Variants in SPTSSB observed in about 807,000 individuals in gnomAD.
SPTSSB encodes the protein serine palmitoyltransferase small subunit B, also known as androgen down regulated in mouse prostate.
A neutral mutation model predicts 7.7 loss-of-function variants in SPTSSB; 6 were observed. That is an observed-to-expected ratio of 0.78 (90% CI 0.43 to 1.54). The LOEUF is 1.54. Among genes scored for constraint, SPTSSB ranks in the 40% most tolerant of loss-of-function variants. The pLI, the probability that SPTSSB is intolerant of heterozygous loss-of-function variation, is 0.01. For missense variants in SPTSSB, 91 were observed against 93.0 expected (o/e 0.98, Z 0.09); for synonymous variants, 28 against 29.7 (o/e 0.94, Z 0.19).
intron 2 of SPTSSB, among the ~76,000 whole-genome samples, chr3:161,347,190 T>C (rs144484671): frequency 1.3e-5 from 2 of 152,332 alleles, no homozygotes; most frequent in African/African-American, 4.8e-5. Context: ...ATACTCTTCA[T>C]TTTTACAAAT....
At chr3:161,361,303 A>G (rs1485164588) in intron 1 of SPTSSB, among the ~76,000 whole-genome samples, 4 of 152,142 alleles carry the variant, frequency 2.6e-5, no homozygotes, top group Non-Finnish European at 5.9e-5. Flanking sequence ...CGAGAGCTCC[A>G]TTAGGAAAAT....
intron 1 of SPTSSB, among the ~76,000 whole-genome samples, chr3:161,368,245 A>T (rs1001241683): frequency 6.6e-6 from 1 of 152,188 alleles, no homozygotes; most frequent in Non-Finnish European, 1.5e-5. Flanking sequence ...AAATTTTTTT[A>T]AACCGGCTTT....
intron 1 of SPTSSB, among the ~76,000 whole-genome samples, chr3:161,369,344 CTT>C (rs1203862929): frequency 2.3e-5 from 1 of 43,064 alleles, no homozygotes; most frequent in African/African-American, 8.9e-5. Flanking sequence ...TTCTTTCTTT[CTT>C]TCTTTCTCTT....
At chr3:161,354,969 A>G (rs1161279209) in intron 2 of SPTSSB, among the ~76,000 whole-genome samples, 5 of 152,200 alleles carry the variant, frequency 3.3e-5, no homozygotes, top group Non-Finnish European at 7.3e-5. Context: ...ACATTTAGAA[A>G]ATAAAGAGTG....
chr3:161,355,555 A>G (rs1237950560), intron 2 of SPTSSB, among the ~76,000 whole-genome samples: 2 of 152,228 alleles, frequency 1.3e-5, no homozygotes, highest in Non-Finnish European at 2.9e-5. Context: ...ATGCTACAAC[A>G]TGGATGAGCC....
rs369579662 is a variant in SPTSSB at position 161,346,054 on chromosome 3, T to C, written c.*39A>G. 4.4e-4 allele frequency: 466 copies of C among 1,065,424 alleles called. No individual in the cohort carries two copies. Among genetic ancestry groups the C allele is most frequent in the Non-Finnish European group, 2.4e-4 (166 of 686,296 alleles). 66.0% of individuals were successfully genotyped at this position (1,065,424 alleles called of 1,614,324 possible). ...CTAAATCAATAAGCTGTAAGCAACA[T>C]ATAAATATGCAATGCCATTTCACTG... On this transcript the variant is annotated 3_prime_UTR_variant, in exon 3 of 3. Transcript: ENST00000620149.
chr3:161,357,043 G>A (rs753505336), intron 2 of SPTSSB, among the ~76,000 whole-genome samples: 41 of 152,070 alleles, frequency 2.7e-4, no homozygotes, highest in Non-Finnish European at 3.1e-4. Context: ...AGGCGGATCA[G>A]GCCATAGAGA....
chr3:161,352,599 G>C (rs1200369867), intron 2 of SPTSSB, among the ~76,000 whole-genome samples: 1 of 152,132 alleles, frequency 6.6e-6, no homozygotes, highest in Non-Finnish European at 1.5e-5. Context: ...CTGGCCTGTT[G>C]GCTGACTGAC....
chr3:161,346,040 A>AAT lies in SPTSSB; in HGVS notation c.*52_*53insAT. The AAT allele has an allele frequency of 1.1e-6, 1 of 925,592 alleles. No homozygotes were observed. The highest frequency in any genetic ancestry group is 1.8e-6 in the Non-Finnish European group (1 of 569,528). The allele number at this position is 925,592 out of a possible 1,614,324, so 57.3% of individuals were successfully genotyped here. On this transcript the variant is annotated 3_prime_UTR_variant, in exon 3 of 3. Coordinates refer to ENST00000620149, the MANE Select transcript of SPTSSB (RefSeq NM_001040100.2). ...GACACAATAGTTACCTAAATCAATA[A>AAT]GCTGTAAGCAACATATAAATATGCA...
intron 1 of SPTSSB, among the ~76,000 whole-genome samples, chr3:161,360,298 CT>C (rs1714953396): frequency 1.3e-5 from 2 of 152,184 alleles, no homozygotes; most frequent in Non-Finnish European, 1.5e-5. Flanking sequence ...ATTAATCTCT[CT>C]GAATATCCAT....
At chr3:161,347,837 T>A (rs1210917505) in intron 2 of SPTSSB, 2 of 152,072 alleles carry the variant, frequency 1.3e-5, no homozygotes, top group African/African-American at 2.4e-5. Flanking sequence ...AGTCGAGATC[T>A]TGCCATTGCA....
At chr3:161,369,296 T>TTCTTTCTTTC (rs1553804884) in intron 1 of SPTSSB, among the ~76,000 whole-genome samples, 2 of 68,636 alleles carry the variant, frequency 2.9e-5, no homozygotes, top group Admixed American at 3.2e-4. Context: ...TTTTCTTTCT[T>TTCTTTCTTTC]TCTTTCTTTC....
chr3:161,370,803 T>G lies in SPTSSB; in HGVS notation c.-126+632A>C, dbSNP rs76896185. 2.7e-3 allele frequency among the ~76,000 whole-genome samples: 405 copies of G among 152,346 alleles called. 3 individuals carry two copies. The highest frequency in any genetic ancestry group is 9.5e-3 in the African/African-American group (393 of 41,578). ...CCAACTCATATTTAAAATGCTACTCTAAACATTTCCCCACCTTCTTCATCC... is the reference window on the plus strand; with the variant it reads ...CCAACTCATATTTAAAATGCTACTCGAAACATTTCCCCACCTTCTTCATCC... On this transcript the variant is annotated intron_variant, in intron 1 of 2. Transcript: ENST00000620149.
chr3:161,362,614 T>C (rs1350921843), intron 1 of SPTSSB, among the ~76,000 whole-genome samples: 1 of 152,166 alleles, frequency 6.6e-6, no homozygotes, highest in Non-Finnish European at 1.5e-5. Flanking sequence ...AGAGTGGGAA[T>C]GATCAAGGTA....
chr3:161,368,512 C>T lies in SPTSSB; in HGVS notation c.-126+2923G>A, dbSNP rs552938521. Reference sequence around the variant, plus strand: ...CGGGATCTCGGCTCACTGCAAGCTCCGCCTCCCGGGTTCACGCCATTCTCC... The same window carrying T: ...CGGGATCTCGGCTCACTGCAAGCTCTGCCTCCCGGGTTCACGCCATTCTCC... On this transcript the variant is annotated intron_variant, in intron 1 of 2. Coordinates refer to ENST00000620149, the MANE Select transcript of SPTSSB (RefSeq NM_001040100.2). Among the ~76,000 whole-genome samples the T allele has an allele frequency of 5.7e-4, 86 of 151,174 alleles. 1 individual carries two copies. The highest frequency in any genetic ancestry group is 3.5e-3 in the Middle Eastern group (1 of 288).
Position 161,345,861 on chromosome 3 carries a change from G to C in SPTSSB, c.*232C>G. On this transcript the variant is annotated 3_prime_UTR_variant, in exon 3 of 3. Coordinates refer to ENST00000620149, the MANE Select transcript of SPTSSB (RefSeq NM_001040100.2). ...GATTTGTGTTGACAGAATATGATTT[G>C]TGAGGTAAAGTCACTGTATTATCTC... is the stretch of plus-strand genomic sequence containing the variant. The C allele has an allele frequency of 2.7e-6, 1 of 375,538 alleles. No homozygotes were observed. The allele number at this position is 375,538 out of a possible 1,614,324, so 23.3% of individuals were successfully genotyped here. A position where few individuals can be genotyped will look rare whatever the true frequency, so the allele number is the denominator to read the frequency against.
chr3:161,369,673 C>G (rs560167563), intron 1 of SPTSSB, among the ~76,000 whole-genome samples: 1 of 152,052 alleles, frequency 6.6e-6, no homozygotes, highest in East Asian at 1.9e-4. Flanking sequence ...TTGCTCTTAT[C>G]TAGAATAGAG....
At chr3:161,347,372 C>T (rs148768725) in intron 2 of SPTSSB, among the ~76,000 whole-genome samples, 4,634 of 152,108 alleles carry the variant, frequency 0.03, 102 homozygotes, top group South Asian at 0.13. Flanking sequence ...ATTCTCCTGC[C>T]TCAGTCTCCT....
At chr3:161,369,340 C>CTTTA in intron 1 of SPTSSB, among the ~76,000 whole-genome samples, 1 of 49,180 alleles carries the variant, frequency 2.0e-5, no homozygotes, top group African/African-American at 8.7e-5. Context: ...TTCTTTCTTT[C>CTTTA]TTTCTTTCTT....
Sources: allele counts gnomAD v4.1 joint callset (sites outside exome capture counted in the v4.1 genomes callset), GRCh38; gene constraint gnomAD v4.1.1; transcripts MANE v1.5; gene names NCBI Gene and HGNC (gene_info 2026-07-23, HGNC 2026-07-21).